The following ATP8A2 variants were observed in gnomAD, a reference collection of about 807,000 sequenced individuals.
ATP8A2 encodes ATPase phospholipid transporting 8A2.
A neutral mutation model predicts 165.6 loss-of-function variants in ATP8A2; 100 were observed. The observed-to-expected ratio is 0.60, with a 90% CI of 0.51 to 0.71. The LOEUF (loss-of-function observed/expected upper bound fraction) is 0.71, where lower values mean the gene tolerates loss of function less well. Among genes scored for constraint, ATP8A2 ranks in the 30% least tolerant of loss-of-function variants. The probability of loss-of-function intolerance (pLI) is 0.00; values close to 1 mark genes in which losing one functional copy is unlikely to be tolerated. For missense variants in ATP8A2, 1,227 were observed against 1,479.5 expected (o/e 0.83, Z 2.80); for synonymous variants, 543 against 548.8 (o/e 0.99, Z 0.15).
chr13:25,650,812 A>T (rs749028216), intron 24 of ATP8A2, among the ~76,000 whole-genome samples: 20 of 152,206 alleles, frequency 1.3e-4, no homozygotes, highest in Non-Finnish European at 2.6e-4. Context: ...TCCCAATGTT[A>T]AACCAATCTA....
chr13:25,797,662 C>T (rs1950524593), intron 27 of ATP8A2, among the ~76,000 whole-genome samples: 1 of 151,998 alleles, frequency 6.6e-6, no homozygotes, highest in South Asian at 2.1e-4. Context: ...GTTTAGGTTT[C>T]CTTTTCTATA....
intron 13 of ATP8A2, among the ~76,000 whole-genome samples, chr13:25,556,462 T>G (rs536325085): frequency 1.6e-4 from 24 of 152,182 alleles, no homozygotes; most frequent in African/African-American, 5.8e-4. Context: ...AATGGGGTTG[T>G]TTGGTTTTTG....
At chr13:25,646,480 C>T (rs1268051143) in intron 24 of ATP8A2, among the ~76,000 whole-genome samples, 3 of 151,650 alleles carry the variant, frequency 2.0e-5, no homozygotes, top group Non-Finnish European at 4.4e-5. Context: ...ATGGTGAAAC[C>T]CCATCTCTAC....
chr13:25,652,435 C>G (rs536225557), intron 24 of ATP8A2, among the ~76,000 whole-genome samples: 5 of 152,260 alleles, frequency 3.3e-5, no homozygotes, highest in African/African-American at 1.2e-4. Flanking sequence ...CTTAGTGATT[C>G]AAACTTTATG....
Position 25,402,994 on chromosome 13 carries a change from G to A in ATP8A2, c.76+30706G>A, listed in dbSNP as rs551294534. 9.9e-5 allele frequency among the ~76,000 whole-genome samples: 15 copies of A among 152,138 alleles called. 1 individual carries two copies. The highest frequency in any genetic ancestry group is 3.4e-3 in the Middle Eastern group (1 of 294). On this transcript the variant is annotated intron_variant, in intron 1 of 36. Coordinates refer to ENST00000381655, the MANE Select transcript of ATP8A2 (RefSeq NM_016529.6). ...CAAGAGATAGAAAGGAAAATAGGAT[G>A]GACTCATTCCCTGAATCCCTTTTAT...
intron 33 of ATP8A2, among the ~76,000 whole-genome samples, chr13:25,919,932 A>G (rs1314000348): frequency 1.3e-5 from 2 of 151,876 alleles, no homozygotes; most frequent in African/African-American, 4.8e-5. Context: ...GACCACAGAC[A>G]TGTACTACAA....
At chr13:26,016,869 G>T (rs1041849274) in intron 36 of ATP8A2, among the ~76,000 whole-genome samples, 1 of 152,170 alleles carries the variant, frequency 6.6e-6, no homozygotes, top group Non-Finnish European at 1.5e-5. Flanking sequence ...AGGACTGGAG[G>T]TTGAGAGAAC....
At chr13:25,614,448 G>A (rs971167801) in intron 24 of ATP8A2, among the ~76,000 whole-genome samples, 2 of 152,002 alleles carry the variant, frequency 1.3e-5, no homozygotes, top group Admixed American at 6.6e-5. Flanking sequence ...CTTTAAGTTG[G>A]TATTCACCTT....
chr13:25,842,398 G>A (rs1001787743), intron 30 of ATP8A2, among the ~76,000 whole-genome samples: 6 of 152,188 alleles, frequency 3.9e-5, no homozygotes, highest in Non-Finnish European at 8.8e-5. Flanking sequence ...GATGTGGCTG[G>A]GCGTGGTGTC....
At chr13:25,538,177 C>T in intron 7 of ATP8A2, 116 bp downstream of exon 7, 1 of 608,700 alleles carries the variant, frequency 1.6e-6, no homozygotes, top group South Asian at 2.7e-5. Flanking sequence ...TCTCTCTGTC[C>T]CATTCTTCCA....
chr13:25,534,767 C>T (rs765717990), intron 6 of ATP8A2, among the ~76,000 whole-genome samples: 10 of 152,224 alleles, frequency 6.6e-5, no homozygotes, highest in Admixed American at 3.3e-4. Context: ...TGAAGCTCAG[C>T]GCTTCCCTTA....
At position 25,699,327 on chromosome 13, in the gene ATP8A2, A is replaced by G. The variant is rs1162394621; in HGVS notation, c.2366A>G (p.Lys789Arg). Residue 789 changes from lysine (K) to arginine (R), a missense_variant, in exon 25 of 37, where the codon AAA (lysine) becomes AGA (arginine). Around this residue, in one of 5 missense-constraint regions of ATP8A2, gnomAD observed 592 missense variants for 785.6 expected, o/e 0.75. Coordinates refer to ENST00000381655, the MANE Select transcript of ATP8A2 (RefSeq NM_016529.6). ...TTCCTGGATTTGGCACTCTCGTGCA[A>G]AGCGGTCATATGCTGCAGGTAGGAA... ...RSFLDLALSCKAVICCRVSPL... is the reference protein window; with the variant it reads ...RSFLDLALSCRAVICCRVSPL... 57 of 1,612,852 alleles carry G rather than the reference A, an allele frequency of 3.5e-5. No individual in the cohort carries two copies. The highest frequency in any genetic ancestry group is 4.8e-5 in the Non-Finnish European group (57 of 1,179,400).
intron 24 of ATP8A2, among the ~76,000 whole-genome samples, chr13:25,655,728 TAA>T (rs201905932): frequency 3.0e-5 from 4 of 131,560 alleles, no homozygotes; most frequent in African/African-American, 2.8e-5. Context: ...TAAATCTCTT[TAA>T]AAAAAAAAAA....
intron 35 of ATP8A2, among the ~76,000 whole-genome samples, chr13:25,979,144 C>G (rs1205501786): frequency 3.3e-5 from 5 of 151,850 alleles, no homozygotes; most frequent in Admixed American, 6.6e-5. Context: ...GAAAGCCAGT[C>G]AAGGTCCAGT....
intron 25 of ATP8A2, among the ~76,000 whole-genome samples, chr13:25,703,872 T>G (rs2137939534): frequency 6.6e-6 from 1 of 152,302 alleles, no homozygotes; most frequent in African/African-American, 2.4e-5. Flanking sequence ...AGGGGATAAT[T>G]GTACAACATT....
At chr13:25,930,169 C>T (rs141826041) in intron 33 of ATP8A2, among the ~76,000 whole-genome samples, 3 of 152,128 alleles carry the variant, frequency 2.0e-5, no homozygotes, top group East Asian at 1.9e-4. Flanking sequence ...TCTCCCTCCA[C>T]GCTGACACTC....
At chr13:25,610,255 A>T (rs1204215378) in intron 24 of ATP8A2, among the ~76,000 whole-genome samples, 1 of 152,106 alleles carries the variant, frequency 6.6e-6, no homozygotes, top group East Asian at 1.9e-4. Flanking sequence ...CAGGTCTTAC[A>T]TTTAAGTCTT....
intron 2 of ATP8A2, among the ~76,000 whole-genome samples, chr13:25,519,306 C>G (rs2037582376): frequency 6.6e-6 from 1 of 152,156 alleles, no homozygotes; most frequent in South Asian, 2.1e-4. Context: ...GTGTACCCTT[C>G]TGTATCCTCC....
intron 33 of ATP8A2, among the ~76,000 whole-genome samples, chr13:25,896,338 C>T (rs7400394): frequency 0.08 from 12,134 of 152,144 alleles, 1,261 homozygotes; most frequent in African/African-American, 0.23. Context: ...TGTAGTTGAG[C>T]GGTTTTCAGT....
Sources: allele counts gnomAD v4.1 joint callset (sites outside exome capture counted in the v4.1 genomes callset), GRCh38; gene constraint gnomAD v4.1.1; regional missense constraint gnomAD v4.1.1; transcripts MANE v1.5; gene names NCBI Gene and HGNC (gene_info 2026-07-23, HGNC 2026-07-21).